Variants in SEPTIN11 observed in about 807,000 individuals in gnomAD.
The protein encoded by SEPTIN11 is septin-11.
A neutral mutation model predicts 51.4 loss-of-function variants in SEPTIN11; 25 were observed. The ratio of observed to expected loss-of-function variants is 0.49; its 90% CI spans 0.35 to 0.68. The LOEUF is 0.68. Ranked by LOEUF, SEPTIN11 falls within the 30% of genes least tolerant of loss-of-function variation. The pLI is 0.00. For synonymous variants in SEPTIN11, 174 were observed against 184.1 expected (o/e 0.95, Z 0.44); for missense variants, 381 against 520.8 (o/e 0.73, Z 2.61).
chr4:76,958,566 T>C (rs1374472213), intron 1 of SEPTIN11, among the ~76,000 whole-genome samples: 1 of 152,150 alleles, frequency 6.6e-6, no homozygotes, highest in Non-Finnish European at 1.5e-5. Flanking sequence ...TGTTTACTAG[T>C]GTGGGGCTCG....
At chr4:76,949,996 G>A in intron 1 of SEPTIN11, 66 bp downstream of exon 1, 2 of 1,361,804 alleles carry the variant, frequency 1.5e-6, no homozygotes, top group East Asian at 3.1e-5. Flanking sequence ...GGGCGGGTGC[G>A]GTGAGGACCA....
chr4:76,973,558 CA>C (rs1294611214), intron 1 of SEPTIN11, among the ~76,000 whole-genome samples: 2 of 152,212 alleles, frequency 1.3e-5, no homozygotes, highest in East Asian at 3.8e-4. Context: ...CAGACCATCC[CA>C]AACATAACCT....
At chr4:77,039,006 CCTTTT>C (rs556682997), downstream of SEPTIN11, 4,085 of 1,060,284 alleles carry the variant, frequency 3.9e-3, 4 homozygotes, top group Non-Finnish European at 4.7e-3. Flanking sequence ...TAGAGAAGCT[CCTTTT>C]CTTTTCTTAA....
rs190265549 is a variant in SEPTIN11, at chr4:76,983,901, G to A, written c.28-12524G>A. 2.8e-3 allele frequency among the ~76,000 whole-genome samples: 433 copies of A among 152,202 alleles called. 3 individuals are homozygous for A. The Middle Eastern group carries it at 0.034, about 12-fold the overall frequency. ...CAGGTGCCTGTAATCCCAGCTACTC[G>A]GAAGCTGAGGCAGGAGAATTGCTTG... On this transcript the variant is annotated intron_variant, in intron 1 of 9. Coordinates refer to ENST00000264893, the MANE Select transcript of SEPTIN11 (RefSeq NM_018243.4).
chr4:77,034,453 T>A, intron 9 of SEPTIN11, 44 bp from the exon 10 acceptor site: 3 of 1,458,804 alleles, frequency 2.1e-6, no homozygotes, highest in Non-Finnish European at 2.7e-6. Context: ...TCTTTTTAAT[T>A]TATTATTATT....
intron 4 of SEPTIN11, among the ~76,000 whole-genome samples, chr4:77,014,651 A>G (rs1216528318): frequency 1.4e-5 from 2 of 142,496 alleles, no homozygotes; most frequent in Non-Finnish European, 3.0e-5. Flanking sequence ...TTTCATTATC[A>G]TCTCTACCCC....
At chr4:76,971,041 T>C (rs569512028) in intron 1 of SEPTIN11, among the ~76,000 whole-genome samples, 1 of 152,352 alleles carries the variant, frequency 6.6e-6, no homozygotes, top group Non-Finnish European at 1.5e-5. Context: ...ACAATAAGTA[T>C]TTACATTTTA....
chr4:76,996,319 C>T, intron 1 of SEPTIN11, 106 bp from the exon 2 acceptor site: 6 of 854,664 alleles, frequency 7.0e-6, no homozygotes, highest in Admixed American at 4.4e-5. Context: ...TCTCCTTTTT[C>T]CATGTATGTC....
Position 77,016,633 on chromosome 4 carries a change from C to CACACATATATAT in SEPTIN11, c.687+1617_687+1618insCACATATATATA, listed in dbSNP as rs1375044162. Among the ~76,000 whole-genome samples the CACACATATATAT allele has an allele frequency of 1.4e-4, 10 of 72,748 alleles. 1 individual carries two copies. Among genetic ancestry groups the CACACATATATAT allele is most frequent in the African/African-American group, 3.1e-4 (6 of 19,082 alleles). 47.7% of individuals were successfully genotyped at this position (72,748 alleles called of 152,430 possible). The stretch of plus-strand genomic sequence containing the variant: ...ATATACACATATATATATATATACA[C>CACACATATATAT]ATATATATATATATATATATATACA... On this transcript the variant is annotated intron_variant, in intron 5 of 9. Transcript: ENST00000264893.
intron 1 of SEPTIN11, among the ~76,000 whole-genome samples, chr4:76,961,647 T>C (rs987908523): frequency 6.6e-6 from 1 of 152,220 alleles, no homozygotes; most frequent in African/African-American, 2.4e-5. Context: ...AACACAAGCC[T>C]GTTTTATAAT....
chr4:76,973,451 A>G (rs1415914605), intron 1 of SEPTIN11, among the ~76,000 whole-genome samples: 1 of 152,206 alleles, frequency 6.6e-6, no homozygotes, highest in African/African-American at 2.4e-5. Flanking sequence ...GCGCAGCACA[A>G]GGGAGGCAGC....
chr4:77,013,594 C>T (rs1429269407), intron 4 of SEPTIN11, among the ~76,000 whole-genome samples: 1 of 152,106 alleles, frequency 6.6e-6, no homozygotes, highest in Non-Finnish European at 1.5e-5. Context: ...CAAACATTTC[C>T]CCCACCATCA....
At chr4:76,950,193 C>T (rs1276508561) in intron 1 of SEPTIN11, among the ~76,000 whole-genome samples, 1 of 152,176 alleles carries the variant, frequency 6.6e-6, no homozygotes, top group Non-Finnish European at 1.5e-5. Context: ...TCTCCTGTTC[C>T]CTTTAAAATA....
At position 77,037,523 on chromosome 4, in the gene SEPTIN11, A is replaced by G; in HGVS notation, c.*3011A>G. On this transcript the variant is annotated 3_prime_UTR_variant, in exon 10 of 10. Coordinates refer to ENST00000264893, the MANE Select transcript of SEPTIN11 (RefSeq NM_018243.4). ...CCAAGAGAAAAATTTTTATGCTAGG[A>G]TGCCTTTATGACCACTTAATTTTTT... is the stretch of plus-strand genomic sequence containing the variant. The G allele has an allele frequency of 1.0e-6, 1 of 985,346 alleles. No homozygotes were observed. Among genetic ancestry groups the G allele is most frequent in the Non-Finnish European group, 1.2e-6 (1 of 829,896 alleles). The allele number at this position is 985,346 out of a possible 1,614,324, so 61.0% of individuals were successfully genotyped here.
chr4:76,996,653 A>G, intron 2 of SEPTIN11, 114 bp downstream of exon 2: 6 of 810,572 alleles, frequency 7.4e-6, no homozygotes, highest in South Asian at 3.5e-5. Context: ...TCTTTCTTTC[A>G]TCAGTAAAAC....
At chr4:76,972,681 C>T (rs1722301096) in intron 1 of SEPTIN11, 1 of 152,104 alleles carries the variant, frequency 6.6e-6, no homozygotes, top group African/African-American at 2.4e-5. Flanking sequence ...GTGATAGGGT[C>T]GTTAACTAAG....
At chr4:76,998,390 G>A (rs1723878338) in intron 2 of SEPTIN11, among the ~76,000 whole-genome samples, 1 of 152,088 alleles carries the variant, frequency 6.6e-6, no homozygotes, top group African/African-American at 2.4e-5. Context: ...CTGTAGGTAG[G>A]AGTCCAGTAT....
intron 1 of SEPTIN11, among the ~76,000 whole-genome samples, chr4:76,963,290 T>G (rs757417433): frequency 6.6e-6 from 1 of 152,244 alleles, no homozygotes. Flanking sequence ...CTAATTGAAA[T>G]TGTGCAATTC....
chr4:77,026,866 A>G (rs1217622227), intron 7 of SEPTIN11, among the ~76,000 whole-genome samples: 1 of 152,242 alleles, frequency 6.6e-6, no homozygotes, highest in Non-Finnish European at 1.5e-5. Context: ...GAATTATTTT[A>G]TAGTTCTGTT....
Sources: allele counts gnomAD v4.1 joint callset (sites outside exome capture counted in the v4.1 genomes callset), GRCh38; gene constraint gnomAD v4.1.1; transcripts MANE v1.5; gene names NCBI Gene and HGNC (gene_info 2026-07-23, HGNC 2026-07-21).